OR9Q1: variants seen among roughly 807,000 people sequenced by gnomAD.
The protein encoded by OR9Q1 is olfactory receptor family 9 subfamily Q member 1, also known as olfactory receptor 9Q1.
For synonymous variants in OR9Q1, 153 were observed against 148.6 expected (o/e 1.03, Z -0.22); for missense variants, 374 against 378.8 (o/e 0.99, Z 0.11).
intron 2 of OR9Q1, among the ~76,000 whole-genome samples, chr11:58,156,438 T>G: frequency 6.6e-6 from 1 of 152,190 alleles, no homozygotes; most frequent in East Asian, 1.9e-4. Context: ...TCAAAACTAC[T>G]TTGTTAGTAG....
intron 2 of OR9Q1, among the ~76,000 whole-genome samples, chr11:58,130,370 T>G (rs1171674347): frequency 6.6e-6 from 1 of 152,152 alleles, no homozygotes; most frequent in African/African-American, 2.4e-5. Flanking sequence ...CATCAAATAT[T>G]TGAAAGAAAA....
chr11:58,113,045 C>G (rs1180536981), intron 2 of OR9Q1, among the ~76,000 whole-genome samples: 1 of 152,100 alleles, frequency 6.6e-6, no homozygotes, highest in Non-Finnish European at 1.5e-5. Context: ...CTATGTTCCT[C>G]AGCCTCAGCT....
chr11:58,056,129 C>G (rs1853325792), intron 2 of OR9Q1, among the ~76,000 whole-genome samples, 182 bp downstream of exon 2: 1 of 152,168 alleles, frequency 6.6e-6, no homozygotes, highest in South Asian at 2.1e-4. Flanking sequence ...AACTGGCTCT[C>G]TAAGAAAGGA....
At chr11:58,097,585 G>A (rs943400528) in intron 2 of OR9Q1, among the ~76,000 whole-genome samples, 6 of 152,138 alleles carry the variant, frequency 3.9e-5, no homozygotes, top group African/African-American at 1.4e-4. Context: ...TAAAACCCTA[G>A]GTATTCCACT....
chr11:58,029,191 G>A (rs1461575782), intron 1 of OR9Q1, among the ~76,000 whole-genome samples: 2 of 152,214 alleles, frequency 1.3e-5, no homozygotes, highest in African/African-American at 4.8e-5. Context: ...CAGCTCAACT[G>A]GGGGCTGAAT....
intron 2 of OR9Q1, among the ~76,000 whole-genome samples, chr11:58,128,029 ACT>A (rs1341246760): frequency 6.6e-6 from 1 of 152,038 alleles, no homozygotes; most frequent in African/African-American, 2.4e-5. Context: ...TTTGACACTA[ACT>A]CTGAAGTATT....
chr11:58,034,382 C>T (rs1289363806), intron 1 of OR9Q1, among the ~76,000 whole-genome samples: 1 of 151,668 alleles, frequency 6.6e-6, no homozygotes, highest in Admixed American at 6.6e-5. Flanking sequence ...CCACTGCACC[C>T]GGCCAGCACT....
intron 1 of OR9Q1, among the ~76,000 whole-genome samples, chr11:58,043,208 C>T (rs7118536): frequency 0.26 from 39,810 of 152,070 alleles, 5,751 homozygotes; most frequent in East Asian, 0.6. Context: ...GTCATCCTCT[C>T]TTCAGCACCT....
chr11:58,064,462 C>T (rs1355220294), intron 2 of OR9Q1, among the ~76,000 whole-genome samples: 1 of 152,114 alleles, frequency 6.6e-6, no homozygotes, highest in African/African-American at 2.4e-5. Context: ...CTGAGGGACT[C>T]TGTAGATGGA....
chr11:58,166,975 T>A (rs1854510815), intron 2 of OR9Q1, among the ~76,000 whole-genome samples: 1 of 152,162 alleles, frequency 6.6e-6, no homozygotes, highest in Non-Finnish European at 1.5e-5. Flanking sequence ...ACAACATACA[T>A]TGTAGCATTA....
chr11:58,177,638 C>G (rs1854618252), intron 2 of OR9Q1, among the ~76,000 whole-genome samples: 1 of 152,126 alleles, frequency 6.6e-6, no homozygotes, highest in African/African-American at 2.4e-5. Context: ...AAAGTATAAA[C>G]CCAAGAATGG....
intron 2 of OR9Q1, among the ~76,000 whole-genome samples, chr11:58,130,767 A>G (rs3019061): frequency 1.3e-5 from 2 of 151,762 alleles, no homozygotes; most frequent in Admixed American, 6.6e-5. Flanking sequence ...AGATCACGCC[A>G]CTGCACCCCA....
At chr11:58,080,816 T>A (rs974489536) in intron 2 of OR9Q1, among the ~76,000 whole-genome samples, 2 of 152,176 alleles carry the variant, frequency 1.3e-5, no homozygotes, top group East Asian at 3.8e-4. Context: ...CTCATGTCCT[T>A]GGACCATTTT....
chr11:58,128,845 A>G (rs988717043), intron 2 of OR9Q1, among the ~76,000 whole-genome samples: 4 of 152,216 alleles, frequency 2.6e-5, no homozygotes, highest in Non-Finnish European at 5.9e-5. Flanking sequence ...GTCTGTAAAA[A>G]TGTTAAAAAT....
chr11:58,035,684 C>G (rs1195645150), intron 1 of OR9Q1, among the ~76,000 whole-genome samples: 1 of 152,152 alleles, frequency 6.6e-6, no homozygotes, highest in African/African-American at 2.4e-5. Flanking sequence ...CCCTCATTGT[C>G]ACAGTCTCCC....
At chr11:58,068,564 C>G (rs1401109461) in intron 2 of OR9Q1, among the ~76,000 whole-genome samples, 2 of 152,072 alleles carry the variant, frequency 1.3e-5, no homozygotes, top group African/African-American at 2.4e-5. Flanking sequence ...AAATCCTGAC[C>G]CAGGGCCAGA....
chr11:58,126,073 G>A (rs942525106), intron 2 of OR9Q1, among the ~76,000 whole-genome samples: 3 of 152,090 alleles, frequency 2.0e-5, no homozygotes, highest in Admixed American at 2.0e-4. Context: ...AGTCTGGTGT[G>A]GTCTAAACAT....
chr11:58,053,487 T>C (rs867563542), intron 1 of OR9Q1, among the ~76,000 whole-genome samples: 4,484 of 138,794 alleles, frequency 0.032, 97 homozygotes, highest in African/African-American at 0.046. Flanking sequence ...TTAGGAGATA[T>C]ACCTAATGCT....
Position 58,179,909 on chromosome 11 carries a change from T to G in OR9Q1, c.465T>G (p.Ser155Arg). The G allele has an allele frequency of 6.2e-7, 1 of 1,614,198 alleles. No individual in the cohort carries two copies. Reference protein sequence around the residue: ...VAGAYVAGLISALVRTVSAFT... With the variant: ...VAGAYVAGLIRALVRTVSAFT... ...GGGCTTACGTTGCTGGTCTCATCAG[T>G]GCCTTGGTGCGGACAGTCTCAGCCT... The change falls in exon 3 of 3, where the codon AGT becomes AGG. Residue 155 changes from serine to arginine, a missense_variant. Coordinates refer to ENST00000335397, the MANE Select transcript of OR9Q1 (RefSeq NM_001005212.4).
Sources: gnomAD v4.1 joint callset for allele counts (sites outside exome capture counted in the v4.1 genomes callset) on GRCh38, gnomAD v4.1.1 for gene constraint, MANE v1.5 for transcripts, NCBI Gene and HGNC (gene_info 2026-07-23, HGNC 2026-07-21) for gene names.